ERC1: variants seen among roughly 807,000 people sequenced by gnomAD.
ERC1 encodes the protein ELKS/RAB6-interacting/CAST family member 1.
A neutral mutation model predicts 132.0 loss-of-function variants in ERC1; 56 were observed. The ratio of observed to expected loss-of-function variants is 0.42; its 90% CI spans 0.34 to 0.53. ERC1 has a LOEUF of 0.53. Among genes scored for constraint, ERC1 ranks in the 20% least tolerant of loss-of-function variants. ERC1 has a pLI of 0.03. For missense variants in ERC1, 1,202 were observed against 1,349.9 expected (o/e 0.89, Z 1.72); for synonymous variants, 478 against 476.1 (o/e 1.00, Z -0.05).
intron 16 of ERC1, among the ~76,000 whole-genome samples, chr12:1,405,146 T>TATAAATAAATAAATAAATAAATAA (rs60222703): frequency 2.7e-4 from 39 of 142,206 alleles, no homozygotes; most frequent in East Asian, 1.4e-3. Context: ...GCTCAAAAAA[T>TATAAATAAATAAATAAATAAATAA]ATAAATAAAT....
At chr12:1,001,567 T>C (rs981595849) in intron 1 of ERC1, among the ~76,000 whole-genome samples, 1 of 152,206 alleles carries the variant, frequency 6.6e-6, no homozygotes, top group African/African-American at 2.4e-5. Context: ...TGTAGGAGAA[T>C]CACCTTCTTT....
chr12:1,450,161 TTTA>T (rs1206700678), intron 18 of ERC1, among the ~76,000 whole-genome samples: 8 of 152,236 alleles, frequency 5.3e-5, no homozygotes, highest in Non-Finnish European at 1.2e-4. Context: ...TTTTTTATTG[TTTA>T]TTGTGCTAAA....
intron 7 of ERC1, among the ~76,000 whole-genome samples, chr12:1,116,684 G>T (rs1946487996): frequency 6.6e-6 from 1 of 152,064 alleles, no homozygotes; most frequent in East Asian, 1.9e-4. Flanking sequence ...CTGGATTCAG[G>T]TGATTCTCCT....
At chr12:1,346,849 G>A (rs1244114212) in intron 15 of ERC1, among the ~76,000 whole-genome samples, 1 of 150,940 alleles carries the variant, frequency 6.6e-6, no homozygotes, top group African/African-American at 2.5e-5. Flanking sequence ...GGCTGAGGCA[G>A]GAGAATGGTG....
At chr12:1,409,360 A>G (rs1293229025) in intron 17 of ERC1, among the ~76,000 whole-genome samples, 3 of 152,234 alleles carry the variant, frequency 2.0e-5, no homozygotes, top group African/African-American at 4.8e-5. Flanking sequence ...GCCAGGGTAT[A>G]TAAGATGCAT....
chr12:1,196,947 CACACACACACACACATATAT>C (rs1197169030), intron 12 of ERC1, among the ~76,000 whole-genome samples: 12 of 37,634 alleles, frequency 3.2e-4, no homozygotes, highest in East Asian at 7.5e-4. Flanking sequence ...CACACACACA[CACACACACACACACATATAT>C]ATATATATAT....
chr12:1,098,587 A>G (rs970400381), intron 3 of ERC1, among the ~76,000 whole-genome samples: 1 of 152,264 alleles, frequency 6.6e-6, no homozygotes, highest in African/African-American at 2.4e-5. Context: ...TGGCAGTGCC[A>G]TTTAATGAGA....
intron 8 of ERC1, among the ~76,000 whole-genome samples, chr12:1,147,227 TTTCCCCCG>T (rs1366552360): frequency 6.6e-6 from 1 of 152,190 alleles, no homozygotes; most frequent in Admixed American, 6.5e-5. Context: ...TGCTTTCAAC[TTTCCCCCG>T]TTCAGCATAA....
chr12:1,003,486 A>T (rs1962872077), intron 1 of ERC1, among the ~76,000 whole-genome samples: 1 of 152,304 alleles, frequency 6.6e-6, no homozygotes, highest in East Asian at 1.9e-4. Flanking sequence ...TGGCTTTCCA[A>T]CTTACATAAC....
intron 18 of ERC1, among the ~76,000 whole-genome samples, chr12:1,473,927 T>G (rs1250520885): frequency 6.6e-6 from 1 of 152,200 alleles, no homozygotes; most frequent in African/African-American, 2.4e-5. Flanking sequence ...AGAGGGATTG[T>G]AGAGGGTTAG....
intron 12 of ERC1, 80 bp downstream of exon 12, chr12:1,190,132 G>A: frequency 8.1e-7 from 1 of 1,240,772 alleles, no homozygotes; most frequent in East Asian, 2.3e-5. Context: ...TACTTTTTCA[G>A]TGTATCTAAC....
chr12:1,041,741 C>T (rs903234410), intron 2 of ERC1, among the ~76,000 whole-genome samples: 4 of 152,190 alleles, frequency 2.6e-5, no homozygotes, highest in Admixed American at 6.5e-5. Flanking sequence ...TCTTTAGTAA[C>T]AGTGAGCAAT....
intron 18 of ERC1, among the ~76,000 whole-genome samples, chr12:1,463,734 T>TGTGTGTG (rs1431465643): frequency 2.6e-5 from 4 of 151,076 alleles, no homozygotes; most frequent in African/African-American, 4.9e-5. Flanking sequence ...TGTGTGTGTC[T>TGTGTGTG]TGACAAACTG....
chr12:1,299,396 A>G (rs941432781), intron 15 of ERC1, among the ~76,000 whole-genome samples: 4 of 152,214 alleles, frequency 2.6e-5, no homozygotes, highest in Non-Finnish European at 5.9e-5. Flanking sequence ...ATTAGATAAC[A>G]TAATTCTAAA....
intron 18 of ERC1, among the ~76,000 whole-genome samples, chr12:1,469,360 G>A (rs1039270872): frequency 1.3e-5 from 2 of 152,258 alleles, no homozygotes; most frequent in African/African-American, 4.8e-5. Flanking sequence ...GCCTCCACGG[G>A]CTGTGTTCAG....
At chr12:1,489,236 C>G (rs563959434) in intron 18 of ERC1, among the ~76,000 whole-genome samples, 5 of 152,232 alleles carry the variant, frequency 3.3e-5, no homozygotes, top group Non-Finnish European at 5.9e-5. Flanking sequence ...TTCTTCTGCG[C>G]TAAGCCTCCT....
intron 1 of ERC1, chr12:1,027,462 T>C (rs554016827): frequency 6.2e-6 from 1 of 162,014 alleles, no homozygotes; most frequent in East Asian, 1.5e-4. Context: ...TCTTCCTACC[T>C]TGGCCTCCCA....
chr12:1,101,390 C>T (rs1451505787), intron 3 of ERC1, among the ~76,000 whole-genome samples: 2 of 152,146 alleles, frequency 1.3e-5, no homozygotes, highest in Non-Finnish European at 2.9e-5. Flanking sequence ...GTGTGTTACG[C>T]CGACATCACT....
chr12:1,179,339 C>A (rs1404387354), intron 8 of ERC1, among the ~76,000 whole-genome samples: 1 of 152,036 alleles, frequency 6.6e-6, no homozygotes, highest in East Asian at 1.9e-4. Context: ...CTGGCCAGAC[C>A]ACTTCTGTGC....
Sources: allele counts gnomAD v4.1 joint callset (sites outside exome capture counted in the v4.1 genomes callset), GRCh38; gene constraint gnomAD v4.1.1; transcripts MANE v1.5; gene names NCBI Gene and HGNC (gene_info 2026-07-23, HGNC 2026-07-21).